Variants in ROR1 observed in about 807,000 individuals in gnomAD.
ROR1 encodes the protein inactive tyrosine-protein kinase transmembrane receptor ROR1.
A neutral mutation model predicts 78.8 loss-of-function variants in ROR1; 19 were observed. The observed-to-expected ratio is 0.24, with a 90% CI of 0.17 to 0.35. The LOEUF (loss-of-function observed/expected upper bound fraction) is 0.35. Ranked by LOEUF, ROR1 falls within the 10% of genes least tolerant of loss-of-function variation. The pLI is 1.00. For missense variants in ROR1, 917 were observed against 1,177.8 expected (o/e 0.78, Z 3.24); for synonymous variants, 386 against 433.6 (o/e 0.89, Z 1.36).
chr1:63,839,245 G>A (rs1209017884), intron 1 of ROR1, among the ~76,000 whole-genome samples: 1 of 152,192 alleles, frequency 6.6e-6, no homozygotes, highest in South Asian at 2.1e-4. Context: ...TTGGTTTAAA[G>A]AAAGAGACAG....
chr1:63,903,716 A>G (rs1432961938), intron 1 of ROR1, among the ~76,000 whole-genome samples: 1 of 151,946 alleles, frequency 6.6e-6, no homozygotes, highest in Non-Finnish European at 1.5e-5. Context: ...ATATAAGCAT[A>G]TATAAACATA....
intron 8 of ROR1, among the ~76,000 whole-genome samples, chr1:64,168,918 G>A (rs1650162226): frequency 6.6e-6 from 1 of 152,236 alleles, no homozygotes; most frequent in Admixed American, 6.5e-5. Flanking sequence ...GAGGCCTCTA[G>A]GCCAGCAGGA....
intron 4 of ROR1, among the ~76,000 whole-genome samples, chr1:64,113,033 C>T (rs564586389): frequency 1.4e-4 from 22 of 152,120 alleles, no homozygotes; most frequent in African/African-American, 5.3e-4. Context: ...CAGTTGCCAC[C>T]TTCCATAGAT....
chr1:63,866,325 G>A (rs1433064725), intron 1 of ROR1, among the ~76,000 whole-genome samples: 2 of 152,184 alleles, frequency 1.3e-5, no homozygotes, highest in African/African-American at 4.8e-5. Context: ...TTCAAAGACT[G>A]CTCGTTTCCT....
At chr1:63,816,388 TC>T (rs1644892386) in intron 1 of ROR1, among the ~76,000 whole-genome samples, 2 of 152,140 alleles carry the variant, frequency 1.3e-5, no homozygotes, top group Admixed American at 1.3e-4. Flanking sequence ...AGTGAGTAAG[TC>T]TCATGAAACG....
intron 1 of ROR1, among the ~76,000 whole-genome samples, chr1:63,846,243 T>G (rs1645081075): frequency 6.6e-6 from 1 of 151,888 alleles, no homozygotes; most frequent in African/African-American, 2.4e-5. Flanking sequence ...CTCACATCTG[T>G]TTTCAGCCCC....
intron 4 of ROR1, among the ~76,000 whole-genome samples, chr1:64,108,059 GTTGTGTGTGTGT>G (rs985886904): frequency 1.1e-5 from 1 of 90,018 alleles, no homozygotes; most frequent in Non-Finnish European, 2.1e-5. Flanking sequence ...TTGTTTTCTT[GTTGTGTGTGTGT>G]GTGTGTGTGT....
At chr1:64,065,477 C>T (rs1337863821) in intron 4 of ROR1, among the ~76,000 whole-genome samples, 1 of 152,158 alleles carries the variant, frequency 6.6e-6, no homozygotes, top group Non-Finnish European at 1.5e-5. Context: ...AGTACAGCAA[C>T]AGCAGAAGAC....
Position 63,816,306 on chromosome 1 carries a change from G to A in ROR1, c.91+41798G>A, listed in dbSNP as rs138940493. ...ATGTAGTAGCTCCCATAACTCCCAC[G>A]TGTTGTGGGAGAGACCCAGTGGGAG... is the stretch of plus-strand genomic sequence containing the variant. On this transcript the variant is annotated intron_variant, in intron 1 of 8. Coordinates refer to ENST00000371079, the MANE Select transcript of ROR1 (RefSeq NM_005012.4). 4.3e-4 allele frequency among the ~76,000 whole-genome samples: 66 copies of A among 152,306 alleles called. 1 individual carries two copies. Among genetic ancestry groups the A allele is most frequent in the African/African-American group, 1.3e-3 (55 of 41,574 alleles).
At chr1:63,803,624 G>A (rs951761978) in intron 1 of ROR1, among the ~76,000 whole-genome samples, 14 of 152,218 alleles carry the variant, frequency 9.2e-5, no homozygotes, top group African/African-American at 2.4e-4. Flanking sequence ...GATTACAGGC[G>A]TGAGCCACCG....
At chr1:64,123,028 G>T (rs1648597384) in intron 4 of ROR1, among the ~76,000 whole-genome samples, 1 of 152,142 alleles carries the variant, frequency 6.6e-6, no homozygotes, top group Non-Finnish European at 1.5e-5. Flanking sequence ...TTCCCTCACT[G>T]ATCCAGTAGA....
rs58622476 is a variant in ROR1 at position 64,016,733 on chromosome 1, T to TTATATATATA, written c.163+7364_163+7373dup. 7.9e-3 allele frequency among the ~76,000 whole-genome samples: 1,107 copies of TTATATATATA among 140,598 alleles called. 16 individuals are homozygous for TTATATATATA. The highest frequency in any genetic ancestry group is 0.027 in the African/African-American group (1,030 of 38,672). 92.2% of individuals were successfully genotyped at this position (140,598 alleles called of 152,430 possible). A position where few individuals can be genotyped will look rare whatever the true frequency, so the allele number is the denominator to read the frequency against. On this transcript the variant is annotated intron_variant, in intron 2 of 8. Coordinates refer to ENST00000371079, the MANE Select transcript of ROR1 (RefSeq NM_005012.4). ...ATGTACCCTAGAACTTAAAATATAA[T>TTATATATATA]TATATATATATATATAAAGATTTTA...
chr1:63,979,921 A>T (rs1279187503), intron 1 of ROR1, among the ~76,000 whole-genome samples: 1 of 152,208 alleles, frequency 6.6e-6, no homozygotes, highest in Non-Finnish European at 1.5e-5. Flanking sequence ...AACAATGCAC[A>T]TCTGCCAGAC....
intron 2 of ROR1, among the ~76,000 whole-genome samples, chr1:64,011,871 C>T (rs573517765): frequency 1.4e-4 from 21 of 152,250 alleles, no homozygotes; most frequent in African/African-American, 4.3e-4. Context: ...TAAAGATAAA[C>T]CAGGCAAAGG....
rs1338686716 is a variant in ROR1, at chr1:63,915,680, A to G, written c.92-93625A>G. Among the ~76,000 whole-genome samples the G allele has an allele frequency of 4.6e-5, 7 of 152,170 alleles. No individual in the cohort carries two copies. The East Asian group carries it at 1.2e-3, about 25-fold the overall frequency. On this transcript the variant is annotated intron_variant, in intron 1 of 8. Coordinates refer to ENST00000371079, the MANE Select transcript of ROR1 (RefSeq NM_005012.4). Reference sequence around the variant, plus strand: ...CCTGCATTTAGGGATAGCTATGCTTATACAGAACTTCTCACACAGAGTAGT... The same window carrying G: ...CCTGCATTTAGGGATAGCTATGCTTGTACAGAACTTCTCACACAGAGTAGT...
At chr1:63,866,756 G>A (rs1374274251) in intron 1 of ROR1, among the ~76,000 whole-genome samples, 3 of 152,158 alleles carry the variant, frequency 2.0e-5, no homozygotes, top group South Asian at 2.1e-4. Flanking sequence ...TATTAAGAAG[G>A]CTTTATAGAG....
At chr1:64,025,218 C>G (rs540405872) in intron 2 of ROR1, among the ~76,000 whole-genome samples, 1 of 152,212 alleles carries the variant, frequency 6.6e-6, no homozygotes, top group African/African-American at 2.4e-5. Flanking sequence ...CAACTTTTCT[C>G]CACAACCTAG....
chr1:63,919,338 G>A (rs920951026), intron 1 of ROR1, among the ~76,000 whole-genome samples: 3 of 152,120 alleles, frequency 2.0e-5, no homozygotes, highest in South Asian at 2.1e-4. Flanking sequence ...TTTAATGGCC[G>A]CTACCGAGAG....
chr1:64,014,721 A>ATATATATATATATATATATTTATG (rs200268487), intron 2 of ROR1, among the ~76,000 whole-genome samples: 2 of 55,316 alleles, frequency 3.6e-5, no homozygotes, highest in Admixed American at 5.5e-4. Flanking sequence ...GACTATATAT[A>ATATATATATATATATATATTTATG]TATATACACA....
Sources: gnomAD v4.1 joint callset for allele counts (sites outside exome capture counted in the v4.1 genomes callset) on GRCh38, gnomAD v4.1.1 for gene constraint, MANE v1.5 for transcripts, NCBI Gene and HGNC (gene_info 2026-07-23, HGNC 2026-07-21) for gene names.